The following ABCG2 variants were observed in gnomAD, a reference collection of about 807,000 sequenced individuals.
ABCG2 encodes ATP binding cassette subfamily G member 2 (JR blood group).
Under a neutral mutation model 73.5 loss-of-function variants are expected in ABCG2, and 80 were observed. That is an observed-to-expected ratio of 1.09 (90% CI 0.91 to 1.31). The LOEUF (loss-of-function observed/expected upper bound fraction) is 1.31, where lower values mean the gene tolerates loss of function less well. Among genes scored for constraint, ABCG2 ranks in the 50% most tolerant of loss-of-function variants. The probability of loss-of-function intolerance (pLI) is 0.00; values close to 1 mark genes in which losing one functional copy is unlikely to be tolerated. For missense variants in ABCG2, 796 were observed against 786.2 expected, an observed-to-expected ratio of 1.01 and a Z score of -0.15; for synonymous variants, 269 against 282.4, an observed-to-expected ratio of 0.95 and a Z score of 0.48.
intron 2 of ABCG2, among the ~76,000 whole-genome samples, chr4:88,134,036 G>A (rs575899752): frequency 6.6e-6 from 1 of 152,082 alleles, no homozygotes; most frequent in South Asian, 2.1e-4. Flanking sequence ...AGACTTCAGG[G>A]TGGGGCCTGG....
chr4:88,131,990 T>A, intron 3 of ABCG2, 73 bp from the exon 4 acceptor site: 1 of 1,041,596 alleles, frequency 9.6e-7, no homozygotes, highest in Admixed American at 2.1e-5. Context: ...TTTTTTTCCC[T>A]CCAACACATG....
At chr4:88,196,301 AT>A (rs1466111066) in intron 1 of ABCG2, among the ~76,000 whole-genome samples, 3 of 152,292 alleles carry the variant, frequency 2.0e-5, no homozygotes, top group African/African-American at 7.2e-5. Context: ...ACCTGCAAAG[AT>A]TTTGTGAGGA....
At chr4:88,193,847 C>A (rs547461917) in intron 1 of ABCG2, among the ~76,000 whole-genome samples, 1 of 152,124 alleles carries the variant, frequency 6.6e-6, no homozygotes, top group Non-Finnish European at 1.5e-5. Context: ...TGGATTCAAG[C>A]GATTCTCATG....
intron 5 of ABCG2, among the ~76,000 whole-genome samples, chr4:88,124,280 A>G (rs1724225604): frequency 6.6e-6 from 1 of 152,224 alleles, no homozygotes; most frequent in African/African-American, 2.4e-5. Flanking sequence ...ACCAGCTAAC[A>G]TCATAATGAC....
intron 1 of ABCG2, among the ~76,000 whole-genome samples, chr4:88,164,643 T>G (rs1042368371): frequency 6.6e-6 from 1 of 152,222 alleles, no homozygotes; most frequent in Non-Finnish European, 1.5e-5. Flanking sequence ...CCTCTTTCCT[T>G]TATAAATTAC....
intron 5 of ABCG2, among the ~76,000 whole-genome samples, chr4:88,124,914 A>T (rs1185500563): frequency 6.6e-6 from 1 of 151,994 alleles, no homozygotes; most frequent in East Asian, 1.9e-4. Flanking sequence ...GAAGTAAAAC[A>T]CTCCTCATCA....
intron 1 of ABCG2, among the ~76,000 whole-genome samples, chr4:88,220,127 G>T (rs1484769022): frequency 6.6e-6 from 1 of 152,072 alleles, no homozygotes. Context: ...TGTCTTCAAG[G>T]TTCATTCATG....
At position 88,121,619 on chromosome 4, in the gene ABCG2, T is replaced by C. The variant is rs758661858; in HGVS notation, c.689+16A>G. 4.3e-6 allele frequency: 7 copies of C among 1,611,284 alleles called. No individual in the cohort carries two copies. The South Asian group carries it at 7.7e-5, about 18-fold the overall frequency. On this transcript the variant is annotated intron_variant, in intron 6 of 15. Transcript: ENST00000237612. ...ATAAGATATTAACTAAAGAATAATG[T>C]TTCCAGAGCATTTACCTTTTCAGGA...
chr4:88,095,674 A>T (rs984649319), intron 13 of ABCG2, 65 bp from the exon 14 acceptor site: 3 of 1,294,606 alleles, frequency 2.3e-6, no homozygotes, highest in Non-Finnish European at 3.3e-6. Context: ...TCTAGAGAAT[A>T]CCCTCTTCAA....
At chr4:88,183,886 A>G (rs1728352230) in intron 1 of ABCG2, among the ~76,000 whole-genome samples, 1 of 152,208 alleles carries the variant, frequency 6.6e-6, no homozygotes, top group South Asian at 2.1e-4. Flanking sequence ...GGTTTATCCC[A>G]GTGATGCAAA....
At chr4:88,168,865 T>TA (rs35255884) in intron 1 of ABCG2, among the ~76,000 whole-genome samples, 35,096 of 146,458 alleles carry the variant, frequency 0.24, 5,984 homozygotes, top group African/African-American at 0.49. Context: ...TCACTCAGAT[T>TA]AAAAAAAAAA....
At chr4:88,155,654 C>T (rs143769541) in intron 1 of ABCG2, among the ~76,000 whole-genome samples, 1 of 152,340 alleles carries the variant, frequency 6.6e-6, no homozygotes, top group African/African-American at 2.4e-5. Context: ...CCTGTATTCC[C>T]AGCACTTGGG....
intron 9 of ABCG2, among the ~76,000 whole-genome samples, chr4:88,107,510 G>A (rs1177751528): frequency 6.6e-6 from 1 of 152,176 alleles, no homozygotes; most frequent in African/African-American, 2.4e-5. Flanking sequence ...AAAGCACACT[G>A]CTGGAAAAGC....
chr4:88,117,441 T>C (rs1207623068), intron 7 of ABCG2, among the ~76,000 whole-genome samples: 1 of 152,214 alleles, frequency 6.6e-6, no homozygotes, highest in Non-Finnish European at 1.5e-5. Flanking sequence ...ACCATCCTCC[T>C]GGCTAACAGG....
intron 1 of ABCG2, among the ~76,000 whole-genome samples, chr4:88,209,772 T>C (rs1197129822): frequency 6.6e-6 from 1 of 152,182 alleles, no homozygotes; most frequent in East Asian, 1.9e-4. Flanking sequence ...TAGCAGGGGT[T>C]GTGTTGGTGT....
At chr4:88,181,900 C>A (rs1728269365) in intron 1 of ABCG2, among the ~76,000 whole-genome samples, 1 of 151,432 alleles carries the variant, frequency 6.6e-6, no homozygotes, top group South Asian at 2.1e-4. Context: ...AAACAAATAA[C>A]AAAATGGCAG....
chr4:88,209,473 G>A (rs541673961), intron 1 of ABCG2, among the ~76,000 whole-genome samples: 2 of 152,124 alleles, frequency 1.3e-5, no homozygotes, highest in South Asian at 4.1e-4. Flanking sequence ...AGACCAGCCT[G>A]GCCAACATGG....
chr4:88,113,587 C>CAACAAGGATAAA (rs1560672340), intron 8 of ABCG2, 34 bp from the exon 9 acceptor site: 5 of 1,598,838 alleles, frequency 3.1e-6, no homozygotes. Context: ...GAAACACAAA[C>CAACAAGGATAAA]AAGATAACAA....
At chr4:88,215,910 G>A (rs1382265715) in intron 1 of ABCG2, among the ~76,000 whole-genome samples, 1 of 152,230 alleles carries the variant, frequency 6.6e-6, no homozygotes, top group Non-Finnish European at 1.5e-5. Flanking sequence ...TTAGGAGACT[G>A]AAAGCTCTTC....
Sources: allele counts gnomAD v4.1 joint callset (sites outside exome capture counted in the v4.1 genomes callset), GRCh38; gene constraint gnomAD v4.1.1; transcripts MANE v1.5; gene names NCBI Gene and HGNC (gene_info 2026-07-23, HGNC 2026-07-21).